The following SGTB variants were observed in gnomAD, a reference collection of about 807,000 sequenced individuals.
SGTB encodes the protein small glutamine rich tetratricopeptide repeat co-chaperone beta, also known as small glutamine-rich tetratricopeptide repeat-containing protein beta.
A neutral mutation model predicts 43.9 loss-of-function variants in SGTB; 19 were observed. That is an observed-to-expected ratio of 0.43 (90% confidence interval 0.30 to 0.63). SGTB has a LOEUF of 0.63. Ranked by LOEUF, SGTB falls within the 30% of genes least tolerant of loss-of-function variation. The pLI is 0.12. For synonymous variants in SGTB, 116 were observed against 117.3 expected, an observed-to-expected ratio of 0.99 and a Z score of 0.07; for missense variants, 304 against 358.9, an observed-to-expected ratio of 0.85 and a Z score of 1.24.
At chr5:65,691,202 T>C (rs1757600883) in intron 5 of SGTB, among the ~76,000 whole-genome samples, 1 of 152,164 alleles carries the variant, frequency 6.6e-6, no homozygotes, top group Admixed American at 6.5e-5. Flanking sequence ...AAAAAATCAA[T>C]TTCCTAGCTC....
At chr5:65,688,888 C>CA (rs1466712940) in intron 5 of SGTB, among the ~76,000 whole-genome samples, 1 of 152,210 alleles carries the variant, frequency 6.6e-6, no homozygotes, top group Non-Finnish European at 1.5e-5. Context: ...TGGCTCACTG[C>CA]AAGCTCCGCC....
rs1554025716 is a variant in SGTB at position 65,704,047 on chromosome 5, A to AAAAAAT, written c.374+226_374+231dup. Among the ~76,000 whole-genome samples, 92 of 125,208 alleles carry AAAAAAT rather than the reference A, an allele frequency of 7.3e-4. No homozygotes were observed. In the Middle Eastern group the frequency reaches 0.011, roughly 15 times the overall value. 82.1% of individuals were successfully genotyped at this position (125,208 alleles called of 152,430 possible). A position where few individuals can be genotyped will look rare whatever the true frequency, so the allele number is the denominator to read the frequency against. ...TGAGACTCCGTCTCAAAAAAAAAAA[A>AAAAAAT]AAAAATAAATAAATAAATAAATAAA... On this transcript the variant is annotated intron_variant, in intron 5 of 10. Coordinates refer to ENST00000381007, the MANE Select transcript of SGTB (RefSeq NM_019072.3).
At chr5:65,705,474 A>G (rs1757913335) in intron 4 of SGTB, among the ~76,000 whole-genome samples, 1 of 152,082 alleles carries the variant, frequency 6.6e-6, no homozygotes, top group African/African-American at 2.4e-5. Context: ...AAAAAGAAAA[A>G]GAAAATATTA....
At chr5:65,675,893 G>T (rs1757256250) in intron 8 of SGTB, among the ~76,000 whole-genome samples, 1 of 152,128 alleles carries the variant, frequency 6.6e-6, no homozygotes, top group Non-Finnish European at 1.5e-5. Flanking sequence ...AAAACACACT[G>T]AAGTATACAG....
At chr5:65,696,685 C>T (rs759438741) in intron 5 of SGTB, among the ~76,000 whole-genome samples, 3 of 152,122 alleles carry the variant, frequency 2.0e-5, no homozygotes, top group South Asian at 4.1e-4. Flanking sequence ...GATAAGCATA[C>T]GATAAAACAT....
chr5:65,717,481 G>A (rs927114020), intron 2 of SGTB, among the ~76,000 whole-genome samples: 41 of 151,488 alleles, frequency 2.7e-4, no homozygotes, highest in African/African-American at 9.5e-4. Context: ...TAGTATACCA[G>A]TAGAGGGGTT....
intron 4 of SGTB, among the ~76,000 whole-genome samples, chr5:65,704,858 A>T (rs1242122966): frequency 1.3e-5 from 2 of 152,362 alleles, no homozygotes; most frequent in East Asian, 3.9e-4. Context: ...ATAAGCTGAT[A>T]AAACTAATCA....
intron 5 of SGTB, among the ~76,000 whole-genome samples, chr5:65,704,049 A>AAAAAAAT (rs1554025721): frequency 7.9e-5 from 11 of 139,632 alleles, no homozygotes; most frequent in East Asian, 4.3e-4. Context: ...AAAAAAAAAA[A>AAAAAAAT]AAATAAATAA....
At chr5:65,718,926 C>T (rs1758202086) in intron 2 of SGTB, among the ~76,000 whole-genome samples, 1 of 152,104 alleles carries the variant, frequency 6.6e-6, no homozygotes, top group Non-Finnish European at 1.5e-5. Context: ...AAAGAAACAT[C>T]TTTTCTTAAA....
intron 5 of SGTB, among the ~76,000 whole-genome samples, chr5:65,689,860 AT>A (rs1415581282): frequency 3.9e-5 from 6 of 152,060 alleles, no homozygotes; most frequent in Non-Finnish European, 8.8e-5. Flanking sequence ...AATTATAAAA[AT>A]GTTAATATTT....
intron 9 of SGTB, 31 bp from the exon 10 acceptor site, chr5:65,672,029 T>C (rs767068984): frequency 1.9e-6 from 3 of 1,608,256 alleles, no homozygotes; most frequent in South Asian, 2.2e-5. Context: ...ATCACTGGGA[T>C]TGGTATATAT....
chr5:65,672,241 T>TA lies in SGTB; in HGVS notation c.719+2dup. Reference sequence around the variant, plus strand: ...GTGTAATAAGCTCTTTCTATATACTTACAGCTGTTGAACTTGAGGGTTCTG... The same window carrying TA: ...GTGTAATAAGCTCTTTCTATATACTTAACAGCTGTTGAACTTGAGGGTTCTG... On this transcript the variant is annotated splice_region_variant and intron_variant, in intron 9 of 10. Coordinates refer to ENST00000381007, the MANE Select transcript of SGTB (RefSeq NM_019072.3). The TA allele has an allele frequency of 1.2e-6, 2 of 1,614,090 alleles. No individual in the cohort carries two copies. The highest frequency in any genetic ancestry group is 1.7e-6 in the Non-Finnish European group (2 of 1,179,980).
intron 8 of SGTB, among the ~76,000 whole-genome samples, chr5:65,677,191 A>C (rs1381850762): frequency 2.0e-5 from 3 of 151,980 alleles, no homozygotes; most frequent in African/African-American, 7.2e-5. Context: ...AAACAGTCCT[A>C]TGCGCATAAA....
chr5:65,687,425 A>G (rs1194382314), intron 5 of SGTB, among the ~76,000 whole-genome samples: 2 of 152,252 alleles, frequency 1.3e-5, no homozygotes, highest in African/African-American at 2.4e-5. Flanking sequence ...AATGGGTGAC[A>G]CATAGATACA....
At chr5:65,701,684 G>T (rs1385416464) in intron 5 of SGTB, among the ~76,000 whole-genome samples, 1 of 146,300 alleles carries the variant, frequency 6.8e-6, no homozygotes, top group Admixed American at 7.0e-5. Context: ...CCAGGCTGGA[G>T]TGCAGTGGCG....
rs533711018 is a variant in SGTB at position 65,669,284 on chromosome 5, A to T, written c.*962T>A. ...CAAATAATTACTAAGTTTTCTTTTTAAAAAAAATCAGTGTTTATGGGCACA... is the reference window on the plus strand; with the variant it reads ...CAAATAATTACTAAGTTTTCTTTTTTAAAAAAATCAGTGTTTATGGGCACA... On this transcript the variant is annotated 3_prime_UTR_variant, in exon 11 of 11. Transcript: ENST00000381007. The T allele has an allele frequency of 9.3e-5, 14 of 150,542 alleles. No individual in the cohort carries two copies. Among genetic ancestry groups the T allele is most frequent in the African/African-American group, 2.4e-4 (10 of 41,404 alleles). 9.3% of individuals were successfully genotyped at this position (150,542 alleles called of 1,614,324 possible). A position where few individuals can be genotyped will look rare whatever the true frequency, so the allele number is the denominator to read the frequency against.
upstream of SGTB, chr5:65,722,333 A>G (rs1282347786): frequency 1.3e-6 from 2 of 1,517,412 alleles, no homozygotes; most frequent in East Asian, 2.7e-5. Flanking sequence ...CCCCACGCCG[A>G]AGGACCACGC....
At chr5:65,714,737 C>T (rs1758116525) in intron 2 of SGTB, among the ~76,000 whole-genome samples, 1 of 152,214 alleles carries the variant, frequency 6.6e-6, no homozygotes, top group African/African-American at 2.4e-5. Context: ...ATTGCTTGAA[C>T]CCAGGAGGCA....
chr5:65,717,655 G>A (rs1758176741), intron 2 of SGTB, among the ~76,000 whole-genome samples: 1 of 152,064 alleles, frequency 6.6e-6, no homozygotes, highest in Non-Finnish European at 1.5e-5. Flanking sequence ...GGACAGTGAA[G>A]GAGGTTTGAG....
Sources: gnomAD v4.1 joint callset for allele counts (sites outside exome capture counted in the v4.1 genomes callset) on GRCh38, gnomAD v4.1.1 for gene constraint, MANE v1.5 for transcripts, NCBI Gene and HGNC (gene_info 2026-07-23, HGNC 2026-07-21) for gene names.